The following ABCC9 variants were observed in gnomAD, a reference collection of about 807,000 sequenced individuals.
ABCC9 encodes ATP-binding cassette sub-family C member 9.
In ABCC9, 95 loss-of-function variants were observed where a neutral mutation model predicts 188.3. That is an observed-to-expected ratio of 0.50 (90% confidence interval 0.43 to 0.60). ABCC9 has a LOEUF of 0.60. ABCC9 is among the 20% of genes least tolerant of loss of function. The probability of loss-of-function intolerance (pLI) is 0.00; values close to 1 mark genes in which losing one functional copy is unlikely to be tolerated. For missense variants in ABCC9, 1,102 were observed against 1,876.3 expected, an observed-to-expected ratio of 0.59 and a Z score of 7.62; for synonymous variants, 659 against 652.7, an observed-to-expected ratio of 1.01 and a Z score of -0.15.
chr12:21,878,840 C>A (rs1232818664), intron 16 of ABCC9, among the ~76,000 whole-genome samples: 1 of 152,150 alleles, frequency 6.6e-6, no homozygotes, highest in Admixed American at 6.5e-5. Flanking sequence ...AAGTTAATTT[C>A]TCCTGCTGCC....
chr12:21,882,690 A>G (rs959334957), intron 16 of ABCC9, 76 bp downstream of exon 16: 4 of 1,298,842 alleles, frequency 3.1e-6, no homozygotes, highest in Non-Finnish European at 4.5e-6. Context: ...AATTTGGGAC[A>G]CTTTCACAGA....
chr12:21,832,037 A>T (rs1200124822), intron 30 of ABCC9, among the ~76,000 whole-genome samples: 3 of 152,174 alleles, frequency 2.0e-5, no homozygotes, highest in African/African-American at 7.2e-5. Context: ...AATGCAGTGA[A>T]CATTCTTTCT....
chr12:21,910,436 T>C (rs2137871273), intron 9 of ABCC9, 124 bp from the exon 10 acceptor site: 1 of 961,852 alleles, frequency 1.0e-6, no homozygotes, highest in African/African-American at 1.7e-5. Flanking sequence ...AAAAATTCTA[T>C]AGGATCATCT....
chr12:21,887,358 T>C lies in ABCC9; in HGVS notation c.1911+468A>G, dbSNP rs755408449. On this transcript the variant is annotated intron_variant, in intron 15 of 39. Coordinates refer to ENST00000261200, the MANE Select transcript of ABCC9 (RefSeq NM_020297.4). ...TATTTGAGCCTCATGACATGCAAAATAAAAAGAGCTAGAAAATAAAAAAGA... is the reference window on the plus strand; with the variant it reads ...TATTTGAGCCTCATGACATGCAAAACAAAAAGAGCTAGAAAATAAAAAAGA... Among the ~76,000 whole-genome samples the C allele has an allele frequency of 5.9e-5, 9 of 151,576 alleles. 1 individual carries two copies. Among genetic ancestry groups the C allele is most frequent in the Non-Finnish European group, 1.2e-4 (8 of 67,876 alleles).
At chr12:21,907,951 G>T in intron 11 of ABCC9, 126 bp downstream of exon 11, 2 of 1,114,150 alleles carry the variant, frequency 1.8e-6, no homozygotes, top group Non-Finnish European at 2.6e-6. Flanking sequence ...ATTTGCTGCT[G>T]AAGAACTGAA....
chr12:21,802,681 T>C (rs889063914), intron 39 of ABCC9, among the ~76,000 whole-genome samples: 4 of 152,196 alleles, frequency 2.6e-5, no homozygotes, highest in Non-Finnish European at 4.4e-5. Context: ...ACCTGAACTA[T>C]GCAGGTCAAA....
At chr12:21,861,937 G>C (rs947922011) in intron 20 of ABCC9, among the ~76,000 whole-genome samples, 3 of 152,096 alleles carry the variant, frequency 2.0e-5, no homozygotes, top group Non-Finnish European at 4.4e-5. Context: ...GGCTGGGACT[G>C]GAAATCAGAT....
intron 39 of ABCC9, 100 bp downstream of exon 39, chr12:21,805,898 T>C: frequency 1.8e-6 from 2 of 1,105,884 alleles, no homozygotes; most frequent in Non-Finnish European, 2.8e-6. Flanking sequence ...AGCAGAGAAA[T>C]ACATAATTCA....
At chr12:21,940,153 A>T (rs1219647235) in intron 2 of ABCC9, among the ~76,000 whole-genome samples, 1 of 152,240 alleles carries the variant, frequency 6.6e-6, no homozygotes, top group Admixed American at 6.5e-5. Flanking sequence ...CTTCCTGTTC[A>T]CTTAGCAGAA....
rs1453861070 is a variant in ABCC9, at chr12:21,844,681, C to A, written c.3245+86G>T. 5.7e-6 allele frequency: 9 copies of A among 1,590,024 alleles called. No homozygotes were observed. In the East Asian group the frequency reaches 1.8e-4, roughly 32 times the overall value. On this transcript the variant is annotated intron_variant, in intron 27 of 39. Coordinates refer to ENST00000261200, the MANE Select transcript of ABCC9 (RefSeq NM_020297.4). ...CATTTGCTCAAGGACTAAAGAAATT[C>A]TTCTAACTTTCACATTCCACTTAAA...
At chr12:21,848,731 A>G (rs546822282) in intron 24 of ABCC9, among the ~76,000 whole-genome samples, 1 of 152,298 alleles carries the variant, frequency 6.6e-6, no homozygotes, top group African/African-American at 2.4e-5. Flanking sequence ...CATCTCACTA[A>G]GGGAGCTGCA....
chr12:21,815,448 G>A (rs1942543751), intron 34 of ABCC9, among the ~76,000 whole-genome samples: 1 of 152,068 alleles, frequency 6.6e-6, no homozygotes, highest in South Asian at 2.1e-4. Context: ...GGGGACTAGA[G>A]TTATTATGAA....
At chr12:21,939,006 T>G (rs1949597663) in intron 2 of ABCC9, among the ~76,000 whole-genome samples, 1 of 152,208 alleles carries the variant, frequency 6.6e-6, no homozygotes, top group Non-Finnish European at 1.5e-5. Flanking sequence ...ATGGTGCACG[T>G]CAGAAACAGT....
At chr12:21,914,063 T>C (rs569716767) in intron 7 of ABCC9, among the ~76,000 whole-genome samples, 1 of 152,280 alleles carries the variant, frequency 6.6e-6, no homozygotes, top group South Asian at 2.1e-4. Context: ...GAGAAATGAC[T>C]CAGATTCATT....
chr12:21,848,308 G>T, intron 24 of ABCC9, 62 bp from the exon 25 acceptor site: 1 of 1,396,432 alleles, frequency 7.2e-7, no homozygotes, highest in Non-Finnish European at 1.0e-6. Flanking sequence ...ACTTATCAAT[G>T]AATGACTCAC....
chr12:21,933,611 T>G (rs183627391), intron 4 of ABCC9, among the ~76,000 whole-genome samples, 171 bp downstream of exon 4: 1 of 152,238 alleles, frequency 6.6e-6, no homozygotes, highest in African/African-American at 2.4e-5. Context: ...ATACCTATTT[T>G]TAACATTAAA....
In ABCC9 at chr12:21,859,620, C is replaced by T. The variant is rs755951253; in HGVS notation, c.2471G>A (p.Arg824Gln). Residue 824 changes from arginine (R) to glutamine (Q), a missense_variant, in exon 22 of 40, where the codon CGA becomes CAA. By Grantham distance (43) the Arg-to-Gln change is conservative. Around this residue, in one of 12 missense-constraint regions of ABCC9, gnomAD observed 31 missense variants for 78.8 expected, o/e 0.39. Coordinates refer to ENST00000261200, the MANE Select transcript of ABCC9 (RefSeq NM_020297.4). ...AATGTTGGTGTTTTGATACAGCGCT[C>T]GTGCCACACAGATTCTCTGCCTCTG... ...GGQRQRICVA[R>Q]ALYQNTNIVF... The T allele has an allele frequency of 4.3e-6, 7 of 1,613,866 alleles. No homozygotes were observed. The highest frequency in any genetic ancestry group is 2.2e-5 in the East Asian group (1 of 44,856).
intron 13 of ABCC9, 71 bp downstream of exon 13, chr12:21,895,204 C>G (rs1235631046): frequency 1.9e-5 from 25 of 1,341,480 alleles, no homozygotes; most frequent in Non-Finnish European, 2.2e-5. Context: ...ACTACCCACA[C>G]ATTCTTGCTC....
chr12:21,845,405 A>AAATAGAAGCTATT (rs1944604682), intron 26 of ABCC9, among the ~76,000 whole-genome samples, 198 bp downstream of exon 26: 1 of 152,144 alleles, frequency 6.6e-6, no homozygotes, highest in Admixed American at 6.6e-5. Context: ...ATAAACTTTA[A>AAATAGAAGCTATT]AAGTATTAAT....
Sources: gnomAD v4.1 joint callset for allele counts (sites outside exome capture counted in the v4.1 genomes callset) on GRCh38, gnomAD v4.1.1 for gene constraint, gnomAD v4.1.1 regional missense constraint, MANE v1.5 for transcripts, NCBI Gene and HGNC (gene_info 2026-07-23, HGNC 2026-07-21) for gene names.